DRC11: variants seen among roughly 807,000 people sequenced by gnomAD.
DRC11 encodes the protein IQ and AAA domain-containing protein 1.
the DRC11 span, among the ~76,000 whole-genome samples, chr2:236,417,639 C>T: frequency 6.6e-6 from 1 of 151,638 alleles, no homozygotes; most frequent in African/African-American, 2.4e-5. Flanking sequence ...TATACATGTG[C>T]CATGGTGGTT....
chr2:236,338,639 C>G, the DRC11 span, among the ~76,000 whole-genome samples: 1 of 152,082 alleles, frequency 6.6e-6, no homozygotes, highest in East Asian at 1.9e-4. Context: ...AAGGAAGCAC[C>G]TTGGCCCTAG....
the DRC11 span, among the ~76,000 whole-genome samples, chr2:236,484,049 T>C: frequency 6.6e-6 from 1 of 152,226 alleles, no homozygotes; most frequent in African/African-American, 2.4e-5. Context: ...TATTAGAAAT[T>C]AACACTTAAA....
chr2:236,441,185 AT>A, the DRC11 span: 6 of 1,109,930 alleles, frequency 5.4e-6, no homozygotes, highest in Non-Finnish European at 2.7e-6. Context: ...TATATACCCC[AT>A]TTATTTGCTT....
At chr2:236,432,984 A>G in the DRC11 span, among the ~76,000 whole-genome samples, 1 of 152,272 alleles carries the variant, frequency 6.6e-6, no homozygotes, top group African/African-American at 2.4e-5. Flanking sequence ...TTTTTCTTAG[A>G]TGACAACCTG....
At chr2:236,479,170 CT>C in the DRC11 span, among the ~76,000 whole-genome samples, 1 of 152,104 alleles carries the variant, frequency 6.6e-6, no homozygotes, top group Non-Finnish European at 1.5e-5. This position sits in a 1 kb window ranked among gnomAD's most constrained non-coding sequence, Gnocchi z 4.1. Context: ...TATTCCTGTC[CT>C]TTTTTTCCAT....
the DRC11 span, among the ~76,000 whole-genome samples, chr2:236,454,159 C>G: frequency 6.6e-6 from 1 of 152,124 alleles, no homozygotes; most frequent in Non-Finnish European, 1.5e-5. This position sits in a 1 kb window ranked among gnomAD's most constrained non-coding sequence, Gnocchi z 5.3. Context: ...CCTGGGACAG[C>G]CTGCGGGCCC....
chr2:236,418,399 A>G, the DRC11 span, among the ~76,000 whole-genome samples: 1 of 152,196 alleles, frequency 6.6e-6, no homozygotes, highest in African/African-American at 2.4e-5. Context: ...TTCAGAGCTG[A>G]TTCCGACTGG....
At chr2:236,416,745 A>ATATT in the DRC11 span, among the ~76,000 whole-genome samples, 531 of 59,626 alleles carry the variant, frequency 8.9e-3, 12 homozygotes, top group Non-Finnish European at 0.013. Context: ...ATATATATAT[A>ATATT]TATATATATA....
At chr2:236,364,295 CTTTTT>C in the DRC11 span, among the ~76,000 whole-genome samples, 1 of 128,618 alleles carries the variant, frequency 7.8e-6, no homozygotes, top group Non-Finnish European at 1.6e-5. Context: ...TTACCTCTGG[CTTTTT>C]TTTTTTTTTT....
At chr2:236,480,748 T>C in the DRC11 span, among the ~76,000 whole-genome samples, 13 of 152,352 alleles carry the variant, frequency 8.5e-5, no homozygotes, top group East Asian at 1.9e-4. Flanking sequence ...CTTTGTCTCA[T>C]TGAGGTCACA....
chr2:236,409,933 C>G, the DRC11 span, among the ~76,000 whole-genome samples: 9 of 152,182 alleles, frequency 5.9e-5, no homozygotes, highest in Admixed American at 4.6e-4. Context: ...GTATATTGAA[C>G]CAGCCTTGCA....
At chr2:236,429,423 C>A in the DRC11 span, among the ~76,000 whole-genome samples, 1 of 152,180 alleles carries the variant, frequency 6.6e-6, no homozygotes, top group South Asian at 2.1e-4. The surrounding 1 kb of genome is among the most constrained non-coding windows in gnomAD (Gnocchi z 5.9). Context: ...CAGGGACCAG[C>A]TCTGGGAACA....
At chr2:236,404,150 C>A in the DRC11 span, among the ~76,000 whole-genome samples, 1 of 126,664 alleles carries the variant, frequency 7.9e-6, no homozygotes, top group Admixed American at 9.2e-5. Context: ...TGACTTAACC[C>A]AATGGAGAGT....
the DRC11 span, among the ~76,000 whole-genome samples, chr2:236,415,744 T>A: frequency 1.3e-5 from 2 of 152,204 alleles, no homozygotes; most frequent in East Asian, 3.8e-4. The surrounding 1 kb of genome is among the most constrained non-coding windows in gnomAD (Gnocchi z 5.7). Flanking sequence ...AGCTAGTTAA[T>A]AAAATACTTT....
the DRC11 span, among the ~76,000 whole-genome samples, chr2:236,357,361 ATT>A: frequency 5.6e-4 from 67 of 118,980 alleles, no homozygotes; most frequent in Admixed American, 8.4e-4. Flanking sequence ...ATGTATATAT[ATT>A]ATAAATATAT....
At chr2:236,506,385 C>G in the DRC11 span, among the ~76,000 whole-genome samples, 1 of 152,248 alleles carries the variant, frequency 6.6e-6, no homozygotes, top group Non-Finnish European at 1.5e-5. This position sits in a 1 kb window ranked among gnomAD's most constrained non-coding sequence, Gnocchi z 4.9. Flanking sequence ...TATTTCATCT[C>G]CACGTGATGT....
At chr2:236,418,178 T>C in the DRC11 span, among the ~76,000 whole-genome samples, 2 of 152,218 alleles carry the variant, frequency 1.3e-5, no homozygotes, top group African/African-American at 4.8e-5. Flanking sequence ...TGAACTAATT[T>C]ACACTCTCAC....
At chr2:236,411,953 G>A in the DRC11 span, among the ~76,000 whole-genome samples, 50 of 149,690 alleles carry the variant, frequency 3.3e-4, no homozygotes, top group Admixed American at 2.3e-3. Flanking sequence ...GCTAGATGAC[G>A]AGTTAGTGGG....
the DRC11 span, chr2:236,338,206 G>A: frequency 1.6e-5 from 26 of 1,612,948 alleles, no homozygotes; most frequent in African/African-American, 8.0e-5. Context: ...GGTACTTGCC[G>A]TATCTGGAAG....
Sources: gnomAD v4.1 joint callset for allele counts (sites outside exome capture counted in the v4.1 genomes callset) on GRCh38, gnomAD v4.1.1 for gene constraint, Gnocchi (gnomAD v3.1) non-coding constraint, MANE v1.5 for transcripts, NCBI Gene and HGNC (gene_info 2026-07-23, HGNC 2026-07-21) for gene names.